The following BCAT1 variants were observed in gnomAD, a reference collection of about 807,000 sequenced individuals.
The protein encoded by BCAT1 is branched chain amino acid transaminase 1.
Under a neutral mutation model 52.4 loss-of-function variants are expected in BCAT1, and 48 were observed. The ratio of observed to expected loss-of-function variants is 0.92; its 90% CI spans 0.73 to 1.16. BCAT1 has a LOEUF of 1.16. Ranked by LOEUF, BCAT1 falls within the 50% of genes most tolerant of loss-of-function variation. The pLI is 0.00. For missense variants in BCAT1, 451 were observed against 457.1 expected (o/e 0.99, Z 0.12); for synonymous variants, 167 against 161.3 (o/e 1.04, Z -0.27).
rs78318018 is a variant in BCAT1 at position 24,859,134 on chromosome 12, C to T, written c.511-9185G>A. Among the ~76,000 whole-genome samples the T allele has an allele frequency of 6.7e-3, 1,023 of 152,256 alleles. 9 individuals are homozygous for T. Among genetic ancestry groups the T allele is most frequent in the African/African-American group, 0.024 (986 of 41,538 alleles). On this transcript the variant is annotated intron_variant, in intron 5 of 10. Coordinates refer to ENST00000261192, the MANE Select transcript of BCAT1 (RefSeq NM_005504.7). ...TGATTAAGATTGAATAATTTGTCTACAAGGTTTTCTTAAGAATTGGATTTG... is the reference window on the plus strand; with the variant it reads ...TGATTAAGATTGAATAATTTGTCTATAAGGTTTTCTTAAGAATTGGATTTG...
chr12:24,940,156 CAATA>C (rs1435108245), intron 1 of BCAT1, among the ~76,000 whole-genome samples: 1 of 152,164 alleles, frequency 6.6e-6, no homozygotes, highest in Non-Finnish European at 1.5e-5. Flanking sequence ...AACAATGCTG[CAATA>C]AATAATCTTG....
intron 4 of BCAT1, among the ~76,000 whole-genome samples, 184 bp downstream of exon 4, chr12:24,881,117 G>GA: frequency 6.6e-6 from 1 of 152,156 alleles, no homozygotes; most frequent in East Asian, 1.9e-4. Context: ...TTATAGGAGT[G>GA]AACCACCGTG....
rs577763929 is a variant in BCAT1 at position 24,812,912 on chromosome 12, T to A, written c.*5096A>T. ...AACAGTAGATTACATAAACTGAACA[T>A]CATGCAACTCAAGTTATACGTCTTG... On this transcript the variant is annotated 3_prime_UTR_variant, in exon 11 of 11. Transcript: ENST00000261192. 3 of 152,012 alleles carry A rather than the reference T, an allele frequency of 2.0e-5. No homozygotes were observed. Among genetic ancestry groups the A allele is most frequent in the Non-Finnish European group, 4.4e-5 (3 of 67,910 alleles). The allele number at this position is 152,012 out of a possible 1,614,324, so 9.4% of individuals were successfully genotyped here.
At chr12:24,937,567 G>A (rs1943780549) in intron 1 of BCAT1, among the ~76,000 whole-genome samples, 1 of 152,160 alleles carries the variant, frequency 6.6e-6, no homozygotes, top group African/African-American at 2.4e-5. Flanking sequence ...CCAGGCTGGA[G>A]TGCAGTGACG....
Position 24,948,162 on chromosome 12 carries a change from T to A in BCAT1, c.6+765A>T, listed in dbSNP as rs540502807. Among the ~76,000 whole-genome samples the A allele has an allele frequency of 6.6e-5, 10 of 152,364 alleles. No homozygotes were observed. In the East Asian group the frequency reaches 1.9e-3, roughly 29 times the overall value. On this transcript the variant is annotated intron_variant, in intron 1 of 10. Transcript: ENST00000261192. ...GTTAGATGGCAAGAATATCTGCCCA[T>A]CCTTCACTTTCCTTGGAAAAAGTTG... is the stretch of plus-strand genomic sequence containing the variant.
At chr12:24,942,257 G>C (rs1320793467) in intron 1 of BCAT1, among the ~76,000 whole-genome samples, 4 of 152,140 alleles carry the variant, frequency 2.6e-5, no homozygotes, top group African/African-American at 7.2e-5. Flanking sequence ...GAATAAGAAA[G>C]AAGTAAAAGA....
intron 10 of BCAT1, among the ~76,000 whole-genome samples, chr12:24,819,937 CA>C (rs1314684899): frequency 6.6e-6 from 1 of 152,142 alleles, no homozygotes; most frequent in Non-Finnish European, 1.5e-5. Flanking sequence ...ATGATGTCAA[CA>C]TGACTTAAGG....
chr12:24,836,819 A>AAGGAAGG (rs1940948120), intron 7 of BCAT1, among the ~76,000 whole-genome samples: 2 of 104,416 alleles, frequency 1.9e-5, no homozygotes, highest in African/African-American at 6.0e-5. Context: ...GGAAGGAAGG[A>AAGGAAGG]AAGAAGGAAG....
At chr12:24,859,545 C>T (rs188578258) in intron 5 of BCAT1, among the ~76,000 whole-genome samples, 46 of 147,624 alleles carry the variant, frequency 3.1e-4, no homozygotes, top group Admixed American at 6.8e-5. Context: ...GGTGTGAACC[C>T]GGGAGACGGA....
Position 24,894,482 on chromosome 12 carries a change from A to C in BCAT1, c.79-7T>G. On this transcript the variant is annotated splice_region_variant and splice_polypyrimidine_tract_variant and intron_variant, in intron 2 of 10. Transcript: ENST00000261192. ...TGACTATTAGGTCTTTAGCCTGGGG[A>C]AGAAAAATCATCACTATTTACAGAA... 5 of 1,575,000 alleles carry C rather than the reference A, an allele frequency of 3.2e-6. No individual in the cohort carries two copies. Among genetic ancestry groups the C allele is most frequent in the Non-Finnish European group, 4.3e-6 (5 of 1,158,432 alleles).
At chr12:24,825,126 T>TGC (rs1240803718) in intron 10 of BCAT1, among the ~76,000 whole-genome samples, 27 of 60,488 alleles carry the variant, frequency 4.5e-4, no homozygotes, top group Non-Finnish European at 7.0e-4. Context: ...TGTGTGTGTG[T>TGC]GTGTGTGTGT....
intron 7 of BCAT1, 39 bp downstream of exon 7, chr12:24,842,043 T>G: frequency 6.2e-7 from 1 of 1,604,042 alleles, no homozygotes; most frequent in Non-Finnish European, 8.5e-7. Context: ...CTGTTGAAAA[T>G]GACTGAGAAA....
intron 6 of BCAT1, among the ~76,000 whole-genome samples, chr12:24,845,604 G>A: frequency 6.6e-6 from 1 of 152,176 alleles, no homozygotes; most frequent in East Asian, 1.9e-4. Flanking sequence ...ACTTAAGCAA[G>A]TTAGTCCTTA....
At chr12:24,856,648 C>T (rs1380305463) in intron 5 of BCAT1, among the ~76,000 whole-genome samples, 1 of 152,174 alleles carries the variant, frequency 6.6e-6, no homozygotes. Flanking sequence ...ATCAGCTTTA[C>T]AGGCACCCTC....
chr12:24,943,968 A>T (rs1284392279), intron 1 of BCAT1, among the ~76,000 whole-genome samples: 1 of 151,952 alleles, frequency 6.6e-6, no homozygotes, highest in Admixed American at 6.6e-5. Flanking sequence ...TGGGTGACAG[A>T]GCAAGACTCC....
At chr12:24,833,838 T>TTTTTTAA (rs1355354503) in intron 8 of BCAT1, 2 of 150,864 alleles carry the variant, frequency 1.3e-5, no homozygotes, top group Admixed American at 6.6e-5. Context: ...TTTTTTTTTT[T>TTTTTTAA]AAGACAGGGT....
intron 1 of BCAT1, among the ~76,000 whole-genome samples, chr12:24,914,423 G>A (rs765559983): frequency 3.3e-5 from 5 of 152,116 alleles, no homozygotes; most frequent in South Asian, 2.1e-4. Context: ...TCTTGCAGTC[G>A]TGAGAACAGG....
chr12:24,866,906 G>A (rs920434232), intron 5 of BCAT1, among the ~76,000 whole-genome samples: 10 of 152,114 alleles, frequency 6.6e-5, no homozygotes, highest in Non-Finnish European at 1.0e-4. Flanking sequence ...ACCTGCTGGG[G>A]TCCCCTTCCA....
intron 5 of BCAT1, among the ~76,000 whole-genome samples, chr12:24,856,886 T>C (rs886744215): frequency 2.0e-5 from 3 of 152,240 alleles, no homozygotes; most frequent in African/African-American, 7.2e-5. Flanking sequence ...CGTCTTGTTT[T>C]ATGTCCTTGA....
Sources: gnomAD v4.1 joint callset for allele counts (sites outside exome capture counted in the v4.1 genomes callset) on GRCh38, gnomAD v4.1.1 for gene constraint, MANE v1.5 for transcripts, NCBI Gene and HGNC (gene_info 2026-07-23, HGNC 2026-07-21) for gene names.